The following MSI2 variants were observed in gnomAD, a reference collection of about 807,000 sequenced individuals.
MSI2 encodes the protein musashi RNA binding protein 2, also known as RNA-binding protein Musashi homolog 2.
A neutral mutation model predicts 45.6 loss-of-function variants in MSI2; 17 were observed. The ratio of observed to expected loss-of-function variants is 0.37; its 90% CI spans 0.26 to 0.56. The LOEUF (loss-of-function observed/expected upper bound fraction) is 0.56, where lower values mean the gene tolerates loss of function less well. Among genes scored for constraint, MSI2 ranks in the 20% least tolerant of loss-of-function variants. MSI2 has a pLI of 0.77. For synonymous variants in MSI2, 156 were observed against 158.2 expected (o/e 0.99, Z 0.11); for missense variants, 293 against 444.2 (o/e 0.66, Z 3.06).
At chr17:57,256,337 G>C (rs1286501685), upstream of MSI2, among the ~76,000 whole-genome samples, 1 of 151,466 alleles carries the variant, frequency 6.6e-6, no homozygotes, top group Non-Finnish European at 1.5e-5. Flanking sequence ...GTGGGGGGCC[G>C]AGTGTGCGCG....
chr17:57,277,143 C>T (rs1050095182), intron 5 of MSI2, among the ~76,000 whole-genome samples: 1 of 151,286 alleles, frequency 6.6e-6, no homozygotes, highest in African/African-American at 2.4e-5. Context: ...GCAGCCTCCG[C>T]CTCCTGGGTT....
intron 6 of MSI2, among the ~76,000 whole-genome samples, chr17:57,516,032 A>G (rs374303337): frequency 1.4e-4 from 21 of 152,324 alleles, no homozygotes; most frequent in African/African-American, 5.1e-4. Context: ...TACTTTGTTA[A>G]AGCCAGGAAA....
chr17:57,555,324 T>A (rs1438945710), intron 7 of MSI2, among the ~76,000 whole-genome samples: 1 of 152,238 alleles, frequency 6.6e-6, no homozygotes, highest in African/African-American at 2.4e-5. Flanking sequence ...CCTCCAGGCC[T>A]GTGACCCATT....
chr17:57,699,786 C>A, the MSI2 span, among the ~76,000 whole-genome samples: 2 of 152,196 alleles, frequency 1.3e-5, no homozygotes, highest in African/African-American at 2.4e-5. Context: ...AAGGAGCACC[C>A]CCCACGGAAG....
chr17:57,533,680 T>TGGG, intron 7 of MSI2, among the ~76,000 whole-genome samples: 1 of 152,288 alleles, frequency 6.6e-6, no homozygotes, highest in South Asian at 2.1e-4. Context: ...CCAGAAGTGC[T>TGGG]CTTGATCAGG....
chr17:57,491,134 C>A (rs2085863764), intron 6 of MSI2, among the ~76,000 whole-genome samples: 1 of 152,222 alleles, frequency 6.6e-6, no homozygotes, highest in Admixed American at 6.5e-5. Flanking sequence ...AGGAGCGTTT[C>A]TGCCAAGCGC....
Position 57,257,469 on chromosome 17 carries a change from G to T in MSI2, c.107G>T (p.Ser36Ile), listed in dbSNP as rs751931355. The change falls in exon 3 of 14, where the codon AGC (serine) becomes ATC (isoleucine). Residue 36 changes from serine (S) to isoleucine (I), a missense_variant. By Grantham distance (142) the Ser-to-Ile change is moderately radical (BLOSUM62 -2). Transcript: ENST00000284073. Reference sequence around the variant, plus strand: ...CTCTCTCTTTCTCTCTCTACAGATAGCCTTAGAGACTATTTTAGCAAATTT... The same window carrying T: ...CTCTCTCTTTCTCTCTCTACAGATATCCTTAGAGACTATTTTAGCAAATTT... ...GGLSWQTSPDSLRDYFSKFGE... is the reference protein window; with the variant it reads ...GGLSWQTSPDILRDYFSKFGE... 1 of 1,534,566 alleles carries T rather than the reference G, an allele frequency of 6.5e-7. No individual in the cohort carries two copies.
intron 10 of MSI2, among the ~76,000 whole-genome samples, chr17:57,648,132 CGTGTGTGTGTGTGTGTGT>C (rs765039915): frequency 2.4e-4 from 28 of 116,182 alleles, no homozygotes; most frequent in Non-Finnish European, 3.7e-4. Flanking sequence ...CTGGCTAATT[CGTGTGTGTGTGTGTGTGT>C]GTGTGTGTGT....
chr17:57,678,342 G>A (rs922190401), intron 13 of MSI2, among the ~76,000 whole-genome samples: 4 of 152,134 alleles, frequency 2.6e-5, no homozygotes, highest in African/African-American at 9.7e-5. Flanking sequence ...AGCCATTGCT[G>A]GCCAGAGCCA....
intron 6 of MSI2, among the ~76,000 whole-genome samples, chr17:57,503,958 A>ACTC (rs2086171736): frequency 1.3e-5 from 2 of 151,886 alleles, no homozygotes; most frequent in African/African-American, 4.8e-5. Context: ...CTGGTCTCGA[A>ACTC]CTCCTGACCT....
At chr17:57,645,473 T>C (rs1473990929) in intron 10 of MSI2, among the ~76,000 whole-genome samples, 1 of 151,972 alleles carries the variant, frequency 6.6e-6, no homozygotes, top group African/African-American at 2.4e-5. Flanking sequence ...TCTGGCTCTG[T>C]CACCCAGGCT....
rs1269047266 is a variant in MSI2, at chr17:57,258,263, C to T, written c.186-7C>T. 6.2e-7 allele frequency: 1 copy of T among 1,613,690 alleles called. No individual in the cohort carries two copies. The highest frequency in any genetic ancestry group is 1.3e-5 in the African/African-American group (1 of 75,008). On this transcript the variant is annotated splice_region_variant and splice_polypyrimidine_tract_variant and intron_variant, in intron 3 of 13. Coordinates refer to ENST00000284073, the MANE Select transcript of MSI2 (RefSeq NM_138962.4). ...GTTTGTTTTTCTCCCTCTTTGTCTC[C>T]TTTCAGAGGCTTCGGTTTCGTCACG... is the stretch of plus-strand genomic sequence containing the variant.
chr17:57,401,031 A>G (rs1238315505), intron 5 of MSI2, among the ~76,000 whole-genome samples: 1 of 152,102 alleles, frequency 6.6e-6, no homozygotes. Context: ...GTTTTTATGC[A>G]TTTGGGTCTG....
chr17:57,342,041 G>C (rs1340302967), intron 5 of MSI2, among the ~76,000 whole-genome samples: 4 of 152,126 alleles, frequency 2.6e-5, no homozygotes, highest in African/African-American at 9.7e-5. Flanking sequence ...GAACAAAAGA[G>C]GATCTGTTTT....
intron 6 of MSI2, among the ~76,000 whole-genome samples, chr17:57,427,013 C>T (rs995814777): frequency 6.6e-5 from 10 of 152,218 alleles, no homozygotes; most frequent in East Asian, 1.9e-4. Context: ...AGGCTGAAGC[C>T]GGGGTGCCCC....
intron 11 of MSI2, among the ~76,000 whole-genome samples, chr17:57,669,699 C>T (rs571979216): frequency 6.6e-6 from 1 of 152,312 alleles, no homozygotes; most frequent in African/African-American, 2.4e-5. Flanking sequence ...CAGGCTATGA[C>T]CTCTCCTGCT....
At chr17:57,281,260 T>C (rs1366166206) in intron 5 of MSI2, among the ~76,000 whole-genome samples, 5 of 152,200 alleles carry the variant, frequency 3.3e-5, no homozygotes, top group African/African-American at 1.2e-4. Flanking sequence ...GAGCCTGATC[T>C]TCTAAAGAGA....
At chr17:57,513,628 C>G (rs1406667492) in intron 6 of MSI2, among the ~76,000 whole-genome samples, 40 of 152,246 alleles carry the variant, frequency 2.6e-4, no homozygotes, top group Non-Finnish European at 8.8e-5. Context: ...CATTTGCCAT[C>G]ATTTGATTTT....
chr17:57,317,296 C>T (rs555047413), intron 5 of MSI2, among the ~76,000 whole-genome samples: 6 of 152,202 alleles, frequency 3.9e-5, no homozygotes, highest in Middle Eastern at 3.4e-3. Context: ...GAGATGATGA[C>T]GATGCCTGGA....
Sources: gnomAD v4.1 joint callset for allele counts (sites outside exome capture counted in the v4.1 genomes callset) on GRCh38, gnomAD v4.1.1 for gene constraint, MANE v1.5 for transcripts, NCBI Gene and HGNC (gene_info 2026-07-23, HGNC 2026-07-21) for gene names.